The following ZNF341 variants were observed in gnomAD, a reference collection of about 807,000 sequenced individuals.
ZNF341 encodes the protein zinc finger protein 341.
A neutral mutation model predicts 87.7 loss-of-function variants in ZNF341; 52 were observed. The observed-to-expected ratio is 0.59, with a 90% CI of 0.47 to 0.75. The LOEUF (loss-of-function observed/expected upper bound fraction) is 0.75, where lower values mean the gene tolerates loss of function less well. Ranked by LOEUF, ZNF341 falls within the 30% of genes least tolerant of loss-of-function variation. The pLI is 0.00. For synonymous variants in ZNF341, 459 were observed against 472.7 expected, an observed-to-expected ratio of 0.97 and a Z score of 0.38; for missense variants, 977 against 1,145.9, an observed-to-expected ratio of 0.85 and a Z score of 2.13.
rs1164096634 is a variant in ZNF341 at position 33,764,561 on chromosome 20, A to ATTTTTT, written c.1223-2266_1223-2261dup. Among the ~76,000 whole-genome samples the ATTTTTT allele has an allele frequency of 2.8e-3, 79 of 28,424 alleles. 3 individuals are homozygous for ATTTTTT. Among genetic ancestry groups the ATTTTTT allele is most frequent in the Non-Finnish European group, 4.0e-3 (60 of 15,002 alleles). 18.6% of individuals were successfully genotyped at this position (28,424 alleles called of 152,430 possible). A position where few individuals can be genotyped will look rare whatever the true frequency, so the allele number is the denominator to read the frequency against. On this transcript the variant is annotated intron_variant, in intron 8 of 14. Coordinates refer to ENST00000375200, the MANE Select transcript of ZNF341 (RefSeq NM_001282933.2). ...TGTATGTGTATATATATATATATAT[A>ATTTTTT]TTTTTTTTTTTTTTTTTTTTTTTTT...
At chr20:33,741,133 G>A in intron 2 of ZNF341, 121 bp downstream of exon 2, 1 of 916,740 alleles carries the variant, frequency 1.1e-6, no homozygotes. Context: ...ATGCTCTGGT[G>A]TCTGAACCCT....
intron 10 of ZNF341, among the ~76,000 whole-genome samples, chr20:33,771,844 T>C (rs1601276664): frequency 1.3e-5 from 2 of 150,680 alleles, no homozygotes; most frequent in South Asian, 4.3e-4. Flanking sequence ...AGCAAGACCT[T>C]GTCTCAACAA....
intron 10 of ZNF341, among the ~76,000 whole-genome samples, chr20:33,770,523 T>C (rs948037432): frequency 5.9e-5 from 9 of 152,060 alleles, no homozygotes; most frequent in African/African-American, 9.7e-5. Context: ...CAGACATTTT[T>C]CCCAAAAAAA....
chr20:33,777,834 A>G (rs2019660162), intron 10 of ZNF341, among the ~76,000 whole-genome samples: 1 of 152,094 alleles, frequency 6.6e-6, no homozygotes, highest in South Asian at 2.1e-4. Context: ...GTGTCCTATA[A>G]GCTGGAACAG....
chr20:33,790,590 A>G (rs960904761), intron 14 of ZNF341, among the ~76,000 whole-genome samples: 7 of 152,122 alleles, frequency 4.6e-5, no homozygotes, highest in African/African-American at 1.7e-4. Flanking sequence ...AAGTGTGAAA[A>G]CTGGGAGAGT....
chr20:33,748,327 C>T lies in ZNF341; in HGVS notation c.340-596C>T, dbSNP rs573246384. Among the ~76,000 whole-genome samples, 362 of 152,262 alleles carry T rather than the reference C, an allele frequency of 2.4e-3. 3 individuals carry two copies. Among genetic ancestry groups the T allele is most frequent in the African/African-American group, 8.2e-3 (339 of 41,552 alleles). On this transcript the variant is annotated intron_variant, in intron 3 of 14. Transcript: ENST00000375200. ...CCTCGTGATCTGCCCGCCTCAGCCT[C>T]CCAAAGTGCTGGGATTACAGGCGTG... is the stretch of plus-strand genomic sequence containing the variant.
chr20:33,786,158 C>T (rs2019857825), intron 12 of ZNF341, among the ~76,000 whole-genome samples: 1 of 150,230 alleles, frequency 6.7e-6, no homozygotes, highest in Admixed American at 6.7e-5. Flanking sequence ...TGTGCACCAT[C>T]ACGCCCAGCT....
chr20:33,740,842 G>A lies in ZNF341; in HGVS notation c.32-60G>A, dbSNP rs2018783068. On this transcript the variant is annotated intron_variant, in intron 1 of 14. Transcript: ENST00000375200. Reference sequence around the variant, plus strand: ...GTTTTGCCTGGGTCTGGCTTGTAAGGGTGATGTCAGAGCATGATGCTGGGC... The same window carrying A: ...GTTTTGCCTGGGTCTGGCTTGTAAGAGTGATGTCAGAGCATGATGCTGGGC... The A allele has an allele frequency of 2.6e-6, 4 of 1,511,370 alleles. No individual in the cohort carries two copies. The South Asian group carries it at 4.5e-5, about 17-fold the overall frequency. The allele number at this position is 1,511,370 out of a possible 1,614,324, so 93.6% of individuals were successfully genotyped here. A position where few individuals can be genotyped will look rare whatever the true frequency, so the allele number is the denominator to read the frequency against.
rs143821132 is a variant in ZNF341, at chr20:33,737,345, G to A, written c.32-3557G>A. Reference sequence around the variant, plus strand: ...TTTTTTATTTTTTATTTTTTGAGACGTAGTCTCGCTCTGTTGCCCAGGCTG... The same window carrying A: ...TTTTTTATTTTTTATTTTTTGAGACATAGTCTCGCTCTGTTGCCCAGGCTG... On this transcript the variant is annotated intron_variant, in intron 1 of 14. Transcript: ENST00000375200. Among the ~76,000 whole-genome samples the A allele has an allele frequency of 1.2e-3, 183 of 151,678 alleles. 1 individual carries two copies. Among genetic ancestry groups the A allele is most frequent in the East Asian group, 0.012 (60 of 5,168 alleles).
chr20:33,783,329 G>A (rs2019781419), intron 11 of ZNF341, among the ~76,000 whole-genome samples: 1 of 152,138 alleles, frequency 6.6e-6, no homozygotes. Flanking sequence ...GCAAAGGGCT[G>A]TCATTCAGTG....
intron 5 of ZNF341, among the ~76,000 whole-genome samples, chr20:33,756,338 A>G (rs1231827754): frequency 6.7e-6 from 1 of 148,460 alleles, no homozygotes; most frequent in Non-Finnish European, 1.5e-5. Flanking sequence ...GGGAGCACAG[A>G]CCCCTCTGAC....
intron 4 of ZNF341, 120 bp from the exon 5 acceptor site, chr20:33,753,052 T>G: frequency 5.6e-6 from 8 of 1,432,614 alleles, no homozygotes; most frequent in Non-Finnish European, 7.7e-6. Flanking sequence ...GCCCCTCTCC[T>G]GAGCTGTCTG....
chr20:33,779,181 A>G (rs2019688388), intron 10 of ZNF341, among the ~76,000 whole-genome samples: 1 of 152,166 alleles, frequency 6.6e-6, no homozygotes, highest in Admixed American at 6.6e-5. Flanking sequence ...GAGAAGGGGA[A>G]GTAGACATGT....
At chr20:33,767,171 C>CG in intron 9 of ZNF341, 130 bp downstream of exon 9, 1 of 1,118,786 alleles carries the variant, frequency 8.9e-7, no homozygotes, top group Non-Finnish European at 1.3e-6. Flanking sequence ...CTATTCCCCC[C>CG]GGGTTAGATT....
intron 10 of ZNF341, among the ~76,000 whole-genome samples, chr20:33,772,767 G>T (rs2019557496): frequency 6.6e-6 from 1 of 152,066 alleles, no homozygotes; most frequent in African/African-American, 2.4e-5. Flanking sequence ...GTTTAGATGG[G>T]GCCTATGGGA....
At chr20:33,745,829 C>G (rs768131346) in intron 3 of ZNF341, among the ~76,000 whole-genome samples, 31 of 151,296 alleles carry the variant, frequency 2.0e-4, no homozygotes, top group Non-Finnish European at 4.1e-4. Flanking sequence ...TGTTCCAGAA[C>G]TATAAGGAGG....
rs181985763 is a variant in ZNF341, at chr20:33,742,282, C to T, written c.142+1270C>T. ...CGCGATCTCGGCTCACTGCAACCTC[C>T]GCCTCCCGGGTTCAAGCAATCCTCC... On this transcript the variant is annotated intron_variant, in intron 2 of 14. Coordinates refer to ENST00000375200, the MANE Select transcript of ZNF341 (RefSeq NM_001282933.2). 3.9e-4 allele frequency among the ~76,000 whole-genome samples: 60 copies of T among 152,190 alleles called. 1 individual carries two copies. Among genetic ancestry groups the T allele is most frequent in the African/African-American group, 1.1e-3 (47 of 41,528 alleles).
At chr20:33,748,845 C>A in intron 3 of ZNF341, 78 bp from the exon 4 acceptor site, 2 of 1,427,250 alleles carry the variant, frequency 1.4e-6, no homozygotes, top group Non-Finnish European at 1.9e-6. Flanking sequence ...CATGTCCACA[C>A]ATGCACACAC....
chr20:33,781,504 G>T (rs2019744345), intron 11 of ZNF341, 117 bp downstream of exon 11: 4 of 847,848 alleles, frequency 4.7e-6, no homozygotes, highest in Non-Finnish European at 7.6e-6. Flanking sequence ...CGCAGGCAGG[G>T]CTCAGGGGCT....
Sources: allele counts gnomAD v4.1 joint callset (sites outside exome capture counted in the v4.1 genomes callset), GRCh38; gene constraint gnomAD v4.1.1; transcripts MANE v1.5; gene names NCBI Gene and HGNC (gene_info 2026-07-23, HGNC 2026-07-21).